The following BRPF3 variants were observed in gnomAD, a reference collection of about 807,000 sequenced individuals.
BRPF3 encodes the protein bromodomain and PHD finger containing 3.
BRPF3 carries 18 observed loss-of-function variants against 102.0 expected under a neutral mutation model. That is an observed-to-expected ratio of 0.18 (90% CI 0.12 to 0.26). BRPF3 has a LOEUF of 0.26. Among genes scored for constraint, BRPF3 ranks in the 10% least tolerant of loss-of-function variants. The pLI is 1.00. For synonymous variants in BRPF3, 570 were observed against 614.2 expected (o/e 0.93, Z 1.06); for missense variants, 1,147 against 1,567.8 (o/e 0.73, Z 4.53).
Position 36,222,193 on chromosome 6 carries a change from C to G in BRPF3, c.3109C>G (p.Arg1037Gly). Residue 1037 changes from arginine (R) to glycine (G), a missense_variant, in exon 10 of 13, where the codon CGT becomes GGT. This residue lies in a region of BRPF3 where 379 missense variants were observed against 426.3 expected (regional missense o/e 0.89). Transcript: ENST00000357641. ...CSGLTPPKRS[R>G]GKPALSRVPF... ...TGGTCTGACGCCCCCCAAACGCAGCCGTGGGAAGCCAGCCCTGTCTCGAGT... is the reference window on the plus strand; with the variant it reads ...TGGTCTGACGCCCCCCAAACGCAGCGGTGGGAAGCCAGCCCTGTCTCGAGT... 6.4e-7 allele frequency: 1 copy of G among 1,550,422 alleles called. No homozygotes were observed. Among genetic ancestry groups the G allele is most frequent in the Non-Finnish European group, 8.7e-7 (1 of 1,147,178 alleles).
At chr6:36,206,014 T>C (rs1348116933) in intron 3 of BRPF3, among the ~76,000 whole-genome samples, 1 of 152,210 alleles carries the variant, frequency 6.6e-6, no homozygotes, top group Non-Finnish European at 1.5e-5. Context: ...GAGTTACTTT[T>C]GACTCTTTAC....
At position 36,213,964 on chromosome 6, in the gene BRPF3, C is replaced by T. The variant is rs1277524980; in HGVS notation, c.2567C>T (p.Pro856Leu). 4.3e-6 allele frequency: 7 copies of T among 1,613,928 alleles called. No individual in the cohort carries two copies. The Admixed American group carries it at 6.7e-5, about 15-fold the overall frequency. The change falls in exon 8 of 13, where the codon CCC (proline) becomes CTC (leucine). Residue 856 changes from proline to leucine, a missense_variant. Pro to Leu is a moderately conservative substitution (Grantham distance 98). This residue lies in a region of BRPF3 where 379 missense variants were observed against 426.3 expected (regional missense o/e 0.89). Transcript: ENST00000357641. ...SLSEQESPPE[P>L]PTLKPINDSK... ...TCTGAGCAAGAATCCCCCCCGGAGCCCCCTACTCTGAAACCCATTAATGAT... is the reference window on the plus strand; with the variant it reads ...TCTGAGCAAGAATCCCCCCCGGAGCTCCCTACTCTGAAACCCATTAATGAT...
intron 1 of BRPF3, 63 bp downstream of exon 1, chr6:36,197,033 C>G (rs1211566668): frequency 1.4e-5 from 2 of 144,174 alleles, no homozygotes; most frequent in Non-Finnish European, 3.0e-5. Context: ...CTTCGGGGAC[C>G]AGGGACTGCA....
At chr6:36,222,378 C>T (rs762961605) in intron 10 of BRPF3, 113 bp downstream of exon 10, 12 of 978,476 alleles carry the variant, frequency 1.2e-5, no homozygotes, top group Non-Finnish European at 1.9e-5. Context: ...TTGAGCTCCC[C>T]CAAACTCTTG....
intron 10 of BRPF3, among the ~76,000 whole-genome samples, chr6:36,223,867 A>AT (rs1249531794): frequency 2.6e-5 from 4 of 152,160 alleles, no homozygotes; most frequent in African/African-American, 9.7e-5. Context: ...TGGTTCATAC[A>AT]TTTTTTAAAT....
At chr6:36,202,410 A>AC (rs773009912) in intron 2 of BRPF3, among the ~76,000 whole-genome samples, 44,596 of 102,158 alleles carry the variant, frequency 0.44, 10,898 homozygotes, top group South Asian at 0.59. Context: ...AGCTCTGTGG[A>AC]CCCCCCCCCC....
Position 36,217,904 on chromosome 6 carries a change from G to C in BRPF3, c.2990-13G>C, listed in dbSNP as rs12525283. 0.2 allele frequency: 328,030 copies of C among 1,611,590 alleles called. 36,798 individuals are homozygous for C. Among genetic ancestry groups the C allele is most frequent in the South Asian group, 0.31 (28,383 of 90,798 alleles). ...ATTTCTGCACTCAGACTCACTGTGTGTGTCCTTGGCAGGCATGACCAACGG... is the reference window on the plus strand; with the variant it reads ...ATTTCTGCACTCAGACTCACTGTGTCTGTCCTTGGCAGGCATGACCAACGG... On this transcript the variant is annotated splice_polypyrimidine_tract_variant and intron_variant, in intron 8 of 12. Coordinates refer to ENST00000357641, the MANE Select transcript of BRPF3 (RefSeq NM_015695.3).
chr6:36,205,879 G>A (rs1209739423), intron 3 of BRPF3, among the ~76,000 whole-genome samples: 3 of 152,148 alleles, frequency 2.0e-5, no homozygotes, highest in Non-Finnish European at 4.4e-5. Context: ...TTTCCATGTG[G>A]ATGTTGTTAA....
At position 36,210,006 on chromosome 6, in the gene BRPF3, C is replaced by G; in HGVS notation, c.1866+91C>G. ...GGAAGGAGTTGGGCCACAGGGTGTACAAAACCAGGGGTAGGAGGGTGGGTC... is the reference window on the plus strand; with the variant it reads ...GGAAGGAGTTGGGCCACAGGGTGTAGAAAACCAGGGGTAGGAGGGTGGGTC... On this transcript the variant is annotated intron_variant, in intron 5 of 12. Coordinates refer to ENST00000357641, the MANE Select transcript of BRPF3 (RefSeq NM_015695.3). This position sits in a 1 kb window ranked among gnomAD's most constrained non-coding sequence, Gnocchi z 4.7. 6.5e-7 allele frequency: 1 copy of G among 1,544,270 alleles called. No homozygotes were observed. The highest frequency in any genetic ancestry group is 8.8e-7 in the Non-Finnish European group (1 of 1,134,974).
intron 1 of BRPF3, chr6:36,197,460 C>G (rs1013499479): frequency 1.3e-5 from 2 of 152,254 alleles, no homozygotes; most frequent in Non-Finnish European, 1.5e-5. Flanking sequence ...TTATTTCCCT[C>G]CTTTCTTCTC....
In BRPF3 at chr6:36,214,112, C is replaced by T; in HGVS notation, c.2715C>T (p.Asn905=). ...GCTTGCTCAGTGACAATGGCATCAA[C>T]AGACTATCCCTCATGGCCCCTGACA... ...LQRLLSDNGI[N]RLSLMAPDTP... is the part of the protein sequence containing the mutation. The change falls in exon 8 of 13, where the codon AAC becomes AAT. Residue 905 remains asparagine (N), a synonymous_variant. Transcript: ENST00000357641. 6.2e-7 allele frequency: 1 copy of T among 1,614,228 alleles called. No homozygotes were observed.
chr6:36,207,721 CAGAG>C (rs1561822247), intron 4 of BRPF3, among the ~76,000 whole-genome samples: 2 of 152,190 alleles, frequency 1.3e-5, no homozygotes, highest in East Asian at 1.9e-4. Context: ...GGAAGTCTCT[CAGAG>C]GGAGCCTGGC....
chr6:36,197,779 T>G (rs1013115597), intron 1 of BRPF3, among the ~76,000 whole-genome samples: 21 of 152,144 alleles, frequency 1.4e-4, no homozygotes, highest in Non-Finnish European at 2.1e-4. Flanking sequence ...GGCGAAACTC[T>G]TTTCATTTCC....
In BRPF3 at chr6:36,232,767, A is replaced by G. The variant is rs1186834816; in HGVS notation, c.*2158A>G. ...GTCTGAAACTTATTTTCTCTCTGAG[A>G]AATAAATGTTCTAATGGGCAGTAGT... On this transcript the variant is annotated 3_prime_UTR_variant, in exon 13 of 13. Coordinates refer to ENST00000357641, the MANE Select transcript of BRPF3 (RefSeq NM_015695.3). The G allele has an allele frequency of 6.6e-6, 1 of 152,426 alleles. No homozygotes were observed. Among genetic ancestry groups the G allele is most frequent in the Non-Finnish European group, 1.5e-5 (1 of 68,046 alleles). The allele number at this position is 152,426 out of a possible 1,614,324, so 9.4% of individuals were successfully genotyped here.
intron 10 of BRPF3, among the ~76,000 whole-genome samples, chr6:36,223,804 T>TA (rs1227007503): frequency 6.6e-6 from 1 of 152,232 alleles, no homozygotes; most frequent in Non-Finnish European, 1.5e-5. Flanking sequence ...TATTCATCTT[T>TA]AAAGTTATTT....
chr6:36,218,948 G>A (rs998020046), intron 9 of BRPF3, among the ~76,000 whole-genome samples: 4 of 152,132 alleles, frequency 2.6e-5, no homozygotes, highest in Non-Finnish European at 5.9e-5. Flanking sequence ...ACACCAGGGC[G>A]GGGAGGACTC....
chr6:36,199,959 A>G (rs1460064995), intron 1 of BRPF3, among the ~76,000 whole-genome samples: 3 of 152,248 alleles, frequency 2.0e-5, no homozygotes, highest in African/African-American at 4.8e-5. Context: ...GAAGGAAGGA[A>G]ACAATAAACA....
chr6:36,205,385 C>T (rs909026581), intron 3 of BRPF3, among the ~76,000 whole-genome samples: 6 of 152,134 alleles, frequency 3.9e-5, no homozygotes, highest in African/African-American at 1.4e-4. Flanking sequence ...TTAAGTGTTC[C>T]CACACTGCTG....
chr6:36,197,418 T>C (rs1767539003), intron 1 of BRPF3: 1 of 152,268 alleles, frequency 6.6e-6, no homozygotes, highest in Non-Finnish European at 1.5e-5. Flanking sequence ...AGGCTGTCTC[T>C]GGTGCGCTCG....
Sources: gnomAD v4.1 joint callset for allele counts (sites outside exome capture counted in the v4.1 genomes callset) on GRCh38, gnomAD v4.1.1 for gene constraint, gnomAD v4.1.1 regional missense constraint, Gnocchi (gnomAD v3.1) non-coding constraint, MANE v1.5 for transcripts, NCBI Gene and HGNC (gene_info 2026-07-23, HGNC 2026-07-21) for gene names.